PCCA: variants seen among roughly 807,000 people sequenced by gnomAD.
The protein encoded by PCCA is propionyl-CoA carboxylase alpha chain, mitochondrial.
A neutral mutation model predicts 101.3 loss-of-function variants in PCCA; 74 were observed. The observed-to-expected ratio is 0.73, with a 90% CI of 0.61 to 0.89. PCCA has a LOEUF of 0.89. Among genes scored for constraint, PCCA ranks in the 40% least tolerant of loss-of-function variants. The pLI, the probability that PCCA is intolerant of heterozygous loss-of-function variation, is 0.00. For synonymous variants in PCCA, 294 were observed against 313.6 expected (o/e 0.94, Z 0.66); for missense variants, 891 against 907.0 (o/e 0.98, Z 0.23).
At chr13:100,122,777 C>T (rs905120894) in intron 4 of PCCA, among the ~76,000 whole-genome samples, 1 of 152,052 alleles carries the variant, frequency 6.6e-6, no homozygotes, top group Non-Finnish European at 1.5e-5. Context: ...GAATTTATTT[C>T]TCATAGTTCT....
chr13:100,201,022 C>G (rs1034645942), intron 6 of PCCA, among the ~76,000 whole-genome samples: 10 of 152,012 alleles, frequency 6.6e-5, no homozygotes, highest in African/African-American at 2.4e-4. Context: ...GCTTATTTGT[C>G]TTGTCCTGTG....
At chr13:100,294,134 A>G (rs1326234901) in intron 12 of PCCA, among the ~76,000 whole-genome samples, 1 of 151,456 alleles carries the variant, frequency 6.6e-6, no homozygotes, top group South Asian at 2.1e-4. Context: ...GTGGCCATCC[A>G]CTCCCTGTGT....
At chr13:100,294,450 C>T (rs1456584843) in intron 12 of PCCA, among the ~76,000 whole-genome samples, 1 of 149,422 alleles carries the variant, frequency 6.7e-6, no homozygotes, top group African/African-American at 2.5e-5. Flanking sequence ...CGTGGTCACT[C>T]TTTTTTTTTT....
At chr13:100,341,987 T>TTA (rs1341113028) in intron 18 of PCCA, among the ~76,000 whole-genome samples, 833 of 68,522 alleles carry the variant, frequency 0.012, 15 homozygotes, top group African/African-American at 0.042. Context: ...ATATATGTAT[T>TTA]TATGTGTGTG....
At chr13:100,135,569 T>TG (rs1478566136) in intron 4 of PCCA, among the ~76,000 whole-genome samples, 2 of 152,176 alleles carry the variant, frequency 1.3e-5, no homozygotes, top group Admixed American at 1.3e-4. Context: ...GTAGGTTCCT[T>TG]GGGGTTGTCT....
intron 8 of PCCA, among the ~76,000 whole-genome samples, chr13:100,249,836 G>T (rs1214999825): frequency 6.6e-6 from 1 of 152,066 alleles, no homozygotes; most frequent in Non-Finnish European, 1.5e-5. Context: ...TAATGTAAAT[G>T]TCACTATTTT....
chr13:100,425,901 T>C (rs1400617328), intron 20 of PCCA, among the ~76,000 whole-genome samples, 170 bp downstream of exon 20: 1 of 152,244 alleles, frequency 6.6e-6, no homozygotes, highest in African/African-American at 2.4e-5. Flanking sequence ...TCTTAAGTTT[T>C]AACCTGAGCA....
chr13:100,339,603 A>C (rs1468655610), intron 17 of PCCA, among the ~76,000 whole-genome samples: 4 of 152,224 alleles, frequency 2.6e-5, no homozygotes. Context: ...TGGTAGGAAG[A>C]TACTGTGAGT....
chr13:100,253,359 G>C (rs752294368), intron 8 of PCCA, among the ~76,000 whole-genome samples: 1 of 152,136 alleles, frequency 6.6e-6, no homozygotes, highest in Non-Finnish European at 1.5e-5. Flanking sequence ...TTTCTGAATC[G>C]TTGGCCTTTG....
At chr13:100,428,359 C>T (rs2079317609) in intron 20 of PCCA, among the ~76,000 whole-genome samples, 1 of 145,750 alleles carries the variant, frequency 6.9e-6, no homozygotes, top group African/African-American at 2.5e-5. Flanking sequence ...CCCACCCCCC[C>T]CACACCCTCA....
At chr13:100,504,470 G>C (rs4772301) in intron 21 of PCCA, among the ~76,000 whole-genome samples, 1 of 152,198 alleles carries the variant, frequency 6.6e-6, no homozygotes, top group Non-Finnish European at 1.5e-5. Flanking sequence ...GAGCGATTTA[G>C]ATCCCTGTGT....
chr13:100,287,930 C>A (rs1165232586), intron 12 of PCCA, among the ~76,000 whole-genome samples: 1 of 152,068 alleles, frequency 6.6e-6, no homozygotes, highest in Non-Finnish European at 1.5e-5. Context: ...CAGATGCAAA[C>A]CGTTTGATAC....
chr13:100,333,296 A>G (rs375701740), intron 17 of PCCA, among the ~76,000 whole-genome samples: 1 of 152,230 alleles, frequency 6.6e-6, no homozygotes, highest in African/African-American at 2.4e-5. Context: ...CAGTTAATCC[A>G]GGATCCTCTC....
intron 4 of PCCA, among the ~76,000 whole-genome samples, chr13:100,141,707 C>G (rs1430712520): frequency 5.9e-5 from 9 of 152,218 alleles, no homozygotes; most frequent in Non-Finnish European, 1.0e-4. Flanking sequence ...ACCACCACAC[C>G]CAGCCTTTAT....
At chr13:100,099,478 C>T (rs887292125) in intron 1 of PCCA, among the ~76,000 whole-genome samples, 13 of 151,826 alleles carry the variant, frequency 8.6e-5, no homozygotes, top group Non-Finnish European at 1.5e-4. Flanking sequence ...CCACCACACC[C>T]GGCTAATTTT....
At chr13:100,247,677 C>T (rs1244232261) in intron 8 of PCCA, among the ~76,000 whole-genome samples, 1 of 151,830 alleles carries the variant, frequency 6.6e-6, no homozygotes, top group Non-Finnish European at 1.5e-5. Context: ...CCACACCTGG[C>T]TAATTTTTTT....
intron 20 of PCCA, among the ~76,000 whole-genome samples, chr13:100,434,677 A>G (rs938552487): frequency 1.3e-5 from 2 of 152,224 alleles, no homozygotes; most frequent in Non-Finnish European, 2.9e-5. Flanking sequence ...ATGGTCCCTC[A>G]TAATGACCCC....
intron 16 of PCCA, among the ~76,000 whole-genome samples, chr13:100,314,625 C>T (rs2067186410): frequency 1.3e-5 from 2 of 152,176 alleles, no homozygotes; most frequent in South Asian, 4.1e-4. Context: ...TCTCAACAGT[C>T]ATTTCTATGA....
At chr13:100,468,718 T>C (rs2082728002) in intron 21 of PCCA, among the ~76,000 whole-genome samples, 1 of 152,126 alleles carries the variant, frequency 6.6e-6, no homozygotes, top group Non-Finnish European at 1.5e-5. Flanking sequence ...CTGGTTTGAT[T>C]GTCTATGGAG....
Sources: allele counts gnomAD v4.1 joint callset (sites outside exome capture counted in the v4.1 genomes callset), GRCh38; gene constraint gnomAD v4.1.1; transcripts MANE v1.5; gene names NCBI Gene and HGNC (gene_info 2026-07-23, HGNC 2026-07-21).